The following PTPRB variants were observed in gnomAD, a reference collection of about 807,000 sequenced individuals.
PTPRB encodes protein tyrosine phosphatase receptor type B, also known as receptor-type tyrosine-protein phosphatase beta.
Under a neutral mutation model 238.1 loss-of-function variants are expected in PTPRB, and 97 were observed. The observed-to-expected ratio is 0.41, with a 90% confidence interval of 0.35 to 0.48. The LOEUF (loss-of-function observed/expected upper bound fraction) is 0.48, where lower values mean the gene tolerates loss of function less well. PTPRB is among the 20% of genes least tolerant of loss of function. PTPRB has a pLI of 0.30. For synonymous variants in PTPRB, 970 were observed against 995.4 expected, an observed-to-expected ratio of 0.97 and a Z score of 0.48; for missense variants, 2,292 against 2,681.9, an observed-to-expected ratio of 0.85 and a Z score of 3.21.
At chr12:70,636,117 T>C (rs1885678485) in intron 1 of PTPRB, 51 bp from the exon 2 acceptor site, 2 of 1,477,712 alleles carry the variant, frequency 1.4e-6, no homozygotes, top group Non-Finnish European at 1.8e-6. Context: ...ATGAGGCCCA[T>C]TAGAAAACGG....
Position 70,562,892 on chromosome 12 carries a change from T to C in PTPRB, c.4120A>G (p.Thr1374Ala). Residue 1374 changes from threonine to alanine, a missense_variant, in exon 16 of 34, where the codon ACT (threonine) becomes GCT (alanine). By Grantham distance (58) the Thr-to-Ala change is moderately conservative (BLOSUM62 0). This residue lies in a region of PTPRB where 683 missense variants were observed against 862.0 expected (regional missense o/e 0.79). Coordinates refer to ENST00000334414, the MANE Select transcript of PTPRB (RefSeq NM_001109754.4). ...TCATTAGACAGCTCCCCACTGTGAGTTACAATCACCATCTTGTACATTCTG... is the reference window on the plus strand; with the variant it reads ...TCATTAGACAGCTCCCCACTGTGAGCTACAATCACCATCTTGTACATTCTG... ...QGRMYKMVIVTHSGELSNESF... is the reference protein window; with the variant it reads ...QGRMYKMVIVAHSGELSNESF... 6.2e-7 allele frequency: 1 copy of C among 1,613,972 alleles called. No homozygotes were observed. The highest frequency in any genetic ancestry group is 8.5e-7 in the Non-Finnish European group (1 of 1,179,864).
intron 11 of PTPRB, 47 bp downstream of exon 11, chr12:70,576,335 C>G (rs1880681373): frequency 1.3e-6 from 2 of 1,585,762 alleles, no homozygotes; most frequent in South Asian, 2.4e-5. Context: ...CCCTGAGCCA[C>G]ATGTGAATTG....
Position 70,539,680 on chromosome 12 carries a change from C to T in PTPRB, c.5723G>A (p.Gly1908Glu), listed in dbSNP as rs1166795332. 5 of 1,593,596 alleles carry T rather than the reference C, an allele frequency of 3.1e-6. No homozygotes were observed. The highest frequency in any genetic ancestry group is 4.3e-6 in the Non-Finnish European group (5 of 1,167,794). ...GTCAGCCTGTAGCTTCATGAAATGC[C>T]CTTCAAACTGATTTATTTTTATTGG... is the stretch of plus-strand genomic sequence containing the variant. ...SCPIKINQFE[G>E]HFMKLQADSN... Residue 1908 changes from glycine to glutamate, a missense_variant, in exon 26 of 34, where the codon GGG becomes GAG. Transcript: ENST00000334414.
At position 70,520,317 on chromosome 12, in the gene PTPRB, C is replaced by A. The variant is rs934712800; in HGVS notation, c.*1172G>T. Reference sequence around the variant, plus strand: ...ATAAACTTGGTACAGTATGTAGTGCCTTTTGTTATTAAATGCAACTTTGGG... The same window carrying A: ...ATAAACTTGGTACAGTATGTAGTGCATTTTGTTATTAAATGCAACTTTGGG... On this transcript the variant is annotated 3_prime_UTR_variant, in exon 34 of 34. Coordinates refer to ENST00000334414, the MANE Select transcript of PTPRB (RefSeq NM_001109754.4). 2.2e-5 allele frequency: 7 copies of A among 321,338 alleles called. No homozygotes were observed. The highest frequency in any genetic ancestry group is 4.4e-5 in the Non-Finnish European group (7 of 157,856). 19.9% of individuals were successfully genotyped at this position (321,338 alleles called of 1,614,324 possible).
chr12:70,579,473 C>A (rs536636951), intron 10 of PTPRB, among the ~76,000 whole-genome samples: 33 of 152,110 alleles, frequency 2.2e-4, no homozygotes, highest in African/African-American at 7.5e-4. Context: ...CCGAGGCAGG[C>A]AGATCACGAG....
intron 3 of PTPRB, among the ~76,000 whole-genome samples, chr12:70,621,984 C>G (rs1884958334): frequency 6.6e-6 from 1 of 152,176 alleles, no homozygotes; most frequent in Admixed American, 6.5e-5. Flanking sequence ...TATAGTGATT[C>G]TTGAATCTGC....
chr12:70,591,924 G>A (rs1185825404), intron 7 of PTPRB: 5 of 268,078 alleles, frequency 1.9e-5, no homozygotes, highest in Non-Finnish European at 3.6e-5. Context: ...AGATAAGTGA[G>A]GACATAAATT....
intron 3 of PTPRB, among the ~76,000 whole-genome samples, chr12:70,611,590 G>A (rs953534409): frequency 2.6e-5 from 4 of 152,180 alleles, no homozygotes; most frequent in Admixed American, 2.0e-4. Context: ...GTGTGCCACC[G>A]TGCCTGGCCT....
chr12:70,609,079 G>T lies in PTPRB; in HGVS notation c.969C>A (p.Val323=). ...CCTGTCATCCTTTACCTGTTTGCAA[G>T]ACCACTGTTCTCTCTTCATCCAGAG... ...IISLDEERTV[V]LQTDPLPPAR... is the part of the protein sequence containing the mutation. Residue 323 remains valine, a synonymous_variant, in exon 4 of 34, where the codon GTC becomes GTA. Transcript: ENST00000334414. The T allele has an allele frequency of 6.2e-7, 1 of 1,613,998 alleles. No individual in the cohort carries two copies. The highest frequency in any genetic ancestry group is 1.1e-5 in the South Asian group (1 of 91,060).
At chr12:70,577,505 G>T (rs1194923895) in intron 10 of PTPRB, among the ~76,000 whole-genome samples, 2 of 152,174 alleles carry the variant, frequency 1.3e-5, no homozygotes, top group African/African-American at 4.8e-5. Flanking sequence ...CCACATATCA[G>T]AAATAGGTGC....
Position 70,586,997 on chromosome 12 carries a change from A to C in PTPRB, c.2311+10T>G. The C allele has an allele frequency of 6.2e-7, 1 of 1,600,696 alleles. No homozygotes were observed. Among genetic ancestry groups the C allele is most frequent in the Non-Finnish European group, 8.5e-7 (1 of 1,173,042 alleles). Reference sequence around the variant, plus strand: ...ACACTTTAAAATGTAAAATTTATAAAGGTTACTACCTGTTCTTCCTTTTAC... The same window carrying C: ...ACACTTTAAAATGTAAAATTTATAACGGTTACTACCTGTTCTTCCTTTTAC... On this transcript the variant is annotated intron_variant, in intron 9 of 33. Transcript: ENST00000334414.
chr12:70,634,810 T>C (rs2136616824), intron 2 of PTPRB, among the ~76,000 whole-genome samples: 1 of 152,374 alleles, frequency 6.6e-6, no homozygotes, highest in African/African-American at 2.4e-5. Flanking sequence ...GGCGCTTCGT[T>C]TCTTGATAAC....
chr12:70,629,200 C>T (rs1170192286), intron 2 of PTPRB, among the ~76,000 whole-genome samples: 4 of 151,696 alleles, frequency 2.6e-5, no homozygotes, highest in East Asian at 1.9e-4. Flanking sequence ...AGAATGACTG[C>T]GTACTCCTCA....
chr12:70,624,084 C>T (rs886824723), intron 2 of PTPRB, among the ~76,000 whole-genome samples: 1 of 152,046 alleles, frequency 6.6e-6, no homozygotes, highest in African/African-American at 2.4e-5. Context: ...GTGCAAAGTA[C>T]CCTGAACATA....
chr12:70,622,455 T>A lies in PTPRB; in HGVS notation c.643A>T (p.Thr215Ser). The change falls in exon 3 of 34, where the codon ACT (threonine) becomes TCT (serine). Residue 215 changes from threonine to serine, a missense_variant. This residue lies in a region of PTPRB where 1,205 missense variants were observed against 1,287.8 expected (regional missense o/e 0.94). Coordinates refer to ENST00000334414, the MANE Select transcript of PTPRB (RefSeq NM_001109754.4). ...SERQHPNLHMTGITDTSWVLS... is the reference protein window; with the variant it reads ...SERQHPNLHMSGITDTSWVLS... The stretch of plus-strand genomic sequence containing the variant: ...ACCCATGATGTGTCTGTAATTCCAG[T>A]CATGTGCAGATTGGGATGCTGCCTC... 1 of 1,613,302 alleles carries A rather than the reference T, an allele frequency of 6.2e-7. No homozygotes were observed. Among genetic ancestry groups the A allele is most frequent in the Non-Finnish European group, 8.5e-7 (1 of 1,179,668 alleles).
At chr12:70,531,909 G>GT in intron 32 of PTPRB, 126 bp downstream of exon 32, 5 of 1,098,722 alleles carry the variant, frequency 4.6e-6, no homozygotes, top group Non-Finnish European at 6.6e-6. Context: ...TCTACATGCA[G>GT]TTCTTTTTTT....
At position 70,636,075 on chromosome 12, in the gene PTPRB, T is replaced by C. The variant is rs1438600276; in HGVS notation, c.56-9A>G. ...GACAATCTGAAACCCTTCTGGAAGA[T>C]GAAAAGCTCATAAAGCACTATGTAG... is the stretch of plus-strand genomic sequence containing the variant. On this transcript the variant is annotated splice_polypyrimidine_tract_variant and intron_variant, in intron 1 of 33. Transcript: ENST00000334414. The C allele has an allele frequency of 6.3e-7, 1 of 1,596,002 alleles. No individual in the cohort carries two copies. Among genetic ancestry groups the C allele is most frequent in the East Asian group, 2.2e-5 (1 of 44,564 alleles).
intron 1 of PTPRB, among the ~76,000 whole-genome samples, chr12:70,636,436 C>T (rs1885696621): frequency 6.6e-6 from 1 of 152,080 alleles, no homozygotes; most frequent in Non-Finnish European, 1.5e-5. Flanking sequence ...TTATGAAATG[C>T]TCAGCTCCCT....
At chr12:70,610,718 A>G (rs1029985827) in intron 3 of PTPRB, among the ~76,000 whole-genome samples, 4 of 152,136 alleles carry the variant, frequency 2.6e-5, no homozygotes, top group Admixed American at 6.5e-5. Flanking sequence ...AATCTTATGT[A>G]AATAGCGCTA....
Sources: gnomAD v4.1 joint callset for allele counts (sites outside exome capture counted in the v4.1 genomes callset) on GRCh38, gnomAD v4.1.1 for gene constraint, gnomAD v4.1.1 regional missense constraint, MANE v1.5 for transcripts, NCBI Gene and HGNC (gene_info 2026-07-23, HGNC 2026-07-21) for gene names.